ARFGEF1: variants seen among roughly 807,000 people sequenced by gnomAD.
The protein encoded by ARFGEF1 is ARF guanine nucleotide exchange factor 1, also known as brefeldin A-inhibited guanine nucleotide-exchange protein 1.
In ARFGEF1, 42 loss-of-function variants were observed where a neutral mutation model predicts 231.0. That is an observed-to-expected ratio of 0.18 (90% confidence interval 0.14 to 0.24). The LOEUF (loss-of-function observed/expected upper bound fraction) is 0.24, where lower values mean the gene tolerates loss of function less well. Ranked by LOEUF, ARFGEF1 falls within the 10% of genes least tolerant of loss-of-function variation. ARFGEF1 has a pLI of 1.00. For synonymous variants in ARFGEF1, 710 were observed against 732.3 expected (o/e 0.97, Z 0.49); for missense variants, 1,345 against 2,192.0 (o/e 0.61, Z 7.72).
At chr8:67,295,093 T>A (rs1048778671) in intron 5 of ARFGEF1, among the ~76,000 whole-genome samples, 1 of 152,120 alleles carries the variant, frequency 6.6e-6, no homozygotes, top group African/African-American at 2.4e-5. Context: ...ATAAAATAAA[T>A]ATCTGTGATT....
chr8:67,221,110 T>C (rs2128867900), intron 29 of ARFGEF1, among the ~76,000 whole-genome samples: 1 of 152,324 alleles, frequency 6.6e-6, no homozygotes, highest in Middle Eastern at 3.4e-3. Flanking sequence ...CACATGTTTA[T>C]GGTGATACTG....
chr8:67,295,691 C>T (rs1806203280), intron 5 of ARFGEF1, among the ~76,000 whole-genome samples: 1 of 152,108 alleles, frequency 6.6e-6, no homozygotes, highest in Non-Finnish European at 1.5e-5. Context: ...TGGGTCAAAT[C>T]TTAAAACATT....
At chr8:67,289,238 T>C (rs1201221861) in intron 6 of ARFGEF1, among the ~76,000 whole-genome samples, 3 of 152,118 alleles carry the variant, frequency 2.0e-5, no homozygotes, top group Admixed American at 6.5e-5. Context: ...TTTCAACTCC[T>C]TGAACCTTCC....
intron 36 of ARFGEF1, 23 bp from the exon 37 acceptor site, chr8:67,201,628 G>A: frequency 1.9e-6 from 3 of 1,612,294 alleles, no homozygotes; most frequent in Non-Finnish European, 8.5e-7. Context: ...GAAGTTTCTG[G>A]GATTAGTTTG....
intron 14 of ARFGEF1, among the ~76,000 whole-genome samples, chr8:67,264,302 TAC>T (rs1804759654): frequency 6.6e-6 from 1 of 151,798 alleles, no homozygotes; most frequent in Admixed American, 6.6e-5. Flanking sequence ...GAGAAAAGAG[TAC>T]AGATTGCAGG....
chr8:67,238,779 C>T lies in ARFGEF1; in HGVS notation c.3094G>A (p.Val1032Met). The T allele has an allele frequency of 6.2e-7, 1 of 1,613,842 alleles. No homozygotes were observed. The highest frequency in any genetic ancestry group is 8.5e-7 in the Non-Finnish European group (1 of 1,179,882). ...NIDTIKTLITVAHTDGNYLGN... is the reference protein window; with the variant it reads ...NIDTIKTLITMAHTDGNYLGN... The stretch of plus-strand genomic sequence containing the variant: ...AAATAATTTCCATCTGTATGAGCCA[C>T]TGTGATAAGTGTTTTTATTGTGTCA... The change falls in exon 21 of 39, where the codon GTG (valine) becomes ATG (methionine). Residue 1032 changes from valine (V) to methionine (M), a missense_variant. By Grantham distance (21) the Val-to-Met change is conservative. Transcript: ENST00000262215.
intron 1 of ARFGEF1, among the ~76,000 whole-genome samples, chr8:67,307,524 A>G (rs564904026): frequency 1.3e-5 from 2 of 152,360 alleles, no homozygotes; most frequent in Non-Finnish European, 2.9e-5. Context: ...GTTAGGAAGA[A>G]AAGGGGTTTT....
chr8:67,329,036 G>C (rs1807971694), intron 1 of ARFGEF1, among the ~76,000 whole-genome samples: 1 of 152,084 alleles, frequency 6.6e-6, no homozygotes, highest in Non-Finnish European at 1.5e-5. Context: ...GACCAGCCTG[G>C]CCAACATGGT....
chr8:67,213,307 T>C (rs1049432296), intron 33 of ARFGEF1, among the ~76,000 whole-genome samples: 12 of 152,202 alleles, frequency 7.9e-5, no homozygotes, highest in African/African-American at 2.4e-4. Context: ...ACAGTACAAA[T>C]TTGAAAAGAC....
chr8:67,201,432 C>A, intron 37 of ARFGEF1, 35 bp downstream of exon 37: 2 of 1,584,100 alleles, frequency 1.3e-6, no homozygotes, highest in Non-Finnish European at 8.6e-7. Context: ...CACGTGGCTA[C>A]CTGGTCAGAG....
chr8:67,302,269 T>C (rs978746345), intron 2 of ARFGEF1, among the ~76,000 whole-genome samples, 167 bp downstream of exon 2: 7 of 152,006 alleles, frequency 4.6e-5, no homozygotes, highest in Non-Finnish European at 7.4e-5. Context: ...ATTGTATTTA[T>C]TGTTTTTATA....
chr8:67,193,525 A>G, downstream of ARFGEF1: 2 of 1,612,892 alleles, frequency 1.2e-6, no homozygotes, highest in Non-Finnish European at 1.7e-6. Flanking sequence ...TCCAGTGTAA[A>G]TGTTGATGAG....
At chr8:67,324,015 A>G (rs1807714518) in intron 1 of ARFGEF1, among the ~76,000 whole-genome samples, 1 of 152,070 alleles carries the variant, frequency 6.6e-6, no homozygotes, top group African/African-American at 2.4e-5. Context: ...GTTAGCCAGG[A>G]TGGTCTCAAT....
chr8:67,336,337 G>A (rs1247091267), intron 1 of ARFGEF1, among the ~76,000 whole-genome samples: 5 of 152,220 alleles, frequency 3.3e-5, no homozygotes, highest in Non-Finnish European at 1.5e-5. Context: ...AGTAGACTCT[G>A]TAAGTGGAAA....
intron 5 of ARFGEF1, among the ~76,000 whole-genome samples, chr8:67,188,933 A>C (rs936269046): frequency 1.1e-4 from 16 of 152,178 alleles, no homozygotes; most frequent in Non-Finnish European, 1.8e-4. Flanking sequence ...CATTCCTTGG[A>C]ATCTGTGAGG....
At chr8:67,307,841 G>T (rs1806821696) in intron 1 of ARFGEF1, among the ~76,000 whole-genome samples, 1 of 152,130 alleles carries the variant, frequency 6.6e-6, no homozygotes. Flanking sequence ...ATCTGGGCTG[G>T]CCTTAGAGAT....
intron 5 of ARFGEF1, among the ~76,000 whole-genome samples, chr8:67,191,513 G>A (rs764304936): frequency 6.6e-6 from 1 of 152,128 alleles, no homozygotes; most frequent in African/African-American, 2.4e-5. Flanking sequence ...TGGACATTTC[G>A]TATAAATGAG....
At chr8:67,182,317 CTTTT>C (rs112406408) in intron 5 of ARFGEF1, among the ~76,000 whole-genome samples, 2 of 146,248 alleles carry the variant, frequency 1.4e-5, no homozygotes, top group African/African-American at 4.9e-5. Context: ...CAGATTTCCC[CTTTT>C]TTTTTTTATG....
intron 35 of ARFGEF1, among the ~76,000 whole-genome samples, chr8:67,203,891 C>T (rs182402607): frequency 2.5e-4 from 38 of 152,294 alleles, no homozygotes; most frequent in African/African-American, 8.4e-4. Context: ...CTCCCCCTGC[C>T]GCCACATGGG....
Sources: gnomAD v4.1 joint callset for allele counts (sites outside exome capture counted in the v4.1 genomes callset) on GRCh38, gnomAD v4.1.1 for gene constraint, MANE v1.5 for transcripts, NCBI Gene and HGNC (gene_info 2026-07-23, HGNC 2026-07-21) for gene names.